GDPD4: variants seen among roughly 807,000 people sequenced by gnomAD.
GDPD4 encodes glycerophosphodiester phosphodiesterase 6.
A neutral mutation model predicts 67.8 loss-of-function variants in GDPD4; 60 were observed. That is an observed-to-expected ratio of 0.88 (90% CI 0.72 to 1.10). The LOEUF is 1.10. Among genes scored for constraint, GDPD4 ranks in the 50% least tolerant of loss-of-function variants. The probability of loss-of-function intolerance (pLI) is 0.00; values close to 1 mark genes in which losing one functional copy is unlikely to be tolerated. For synonymous variants in GDPD4, 212 were observed against 210.9 expected (o/e 1.00, Z -0.04); for missense variants, 623 against 613.9 (o/e 1.01, Z -0.16).
At chr11:77,270,225 C>G (rs993653097) in intron 7 of GDPD4, among the ~76,000 whole-genome samples, 1 of 152,216 alleles carries the variant, frequency 6.6e-6, no homozygotes, top group Non-Finnish European at 1.5e-5. Flanking sequence ...AAAGATACTT[C>G]CATTCTCAAA....
At chr11:77,291,524 C>T (rs1200930266) in intron 1 of GDPD4, among the ~76,000 whole-genome samples, 2 of 151,926 alleles carry the variant, frequency 1.3e-5, no homozygotes, top group African/African-American at 4.8e-5. Context: ...TTGAAATGTC[C>T]CTAGTACAAA....
chr11:77,217,721 C>T (rs1958151250), intron 16 of GDPD4, among the ~76,000 whole-genome samples: 1 of 152,120 alleles, frequency 6.6e-6, no homozygotes, highest in Non-Finnish European at 1.5e-5. Flanking sequence ...GTTTGTCACA[C>T]AGTAAATGCT....
intron 15 of GDPD4, 139 bp downstream of exon 15, chr11:77,229,011 A>G (rs1435642795): frequency 5.4e-6 from 3 of 554,376 alleles, no homozygotes; most frequent in Non-Finnish European, 6.4e-6. Context: ...TGCAGACTAC[A>G]TGAGAAGAGA....
intron 10 of GDPD4, among the ~76,000 whole-genome samples, chr11:77,266,873 A>G (rs1212884157): frequency 6.6e-6 from 1 of 152,230 alleles, no homozygotes; most frequent in East Asian, 1.9e-4. Flanking sequence ...AAAAAGTTAC[A>G]ATAAGCTGGA....
At chr11:77,298,458 G>C (rs1472131496) in intron 1 of GDPD4, among the ~76,000 whole-genome samples, 6 of 152,198 alleles carry the variant, frequency 3.9e-5, no homozygotes, top group African/African-American at 1.4e-4. Flanking sequence ...ATTGCAGTGA[G>C]CAGAGATGGT....
intron 11 of GDPD4, among the ~76,000 whole-genome samples, chr11:77,247,827 G>T (rs11237149): frequency 6.6e-6 from 1 of 152,052 alleles, no homozygotes; most frequent in East Asian, 1.9e-4. Context: ...CGAGACGGGC[G>T]AATCACCTGA....
In GDPD4 at chr11:77,258,460, A is replaced by T. The variant is rs1234434762; in HGVS notation, c.790T>A (p.Cys264Ser). The part of the protein sequence containing the change: ...NIGEVQPESA[C>S]ENPAFFNWDF... ...CAGTTGAAGAAGGCAGGGTTCTCGCAGGCAGATTCTGGCTGAACTTCCCCA... is the reference window on the plus strand; with the variant it reads ...CAGTTGAAGAAGGCAGGGTTCTCGCTGGCAGATTCTGGCTGAACTTCCCCA... Residue 264 changes from cysteine (C) to serine (S), a missense_variant, in exon 11 of 17, where the codon TGC becomes AGC. Transcript: ENST00000315938. 6.2e-7 allele frequency: 1 copy of T among 1,614,024 alleles called. No individual in the cohort carries two copies. The highest frequency in any genetic ancestry group is 2.2e-5 in the East Asian group (1 of 44,900).
chr11:77,248,267 A>G (rs1314657609), intron 11 of GDPD4, among the ~76,000 whole-genome samples: 1 of 150,208 alleles, frequency 6.7e-6, no homozygotes, highest in Non-Finnish European at 1.5e-5. Flanking sequence ...CAGTGGTGCA[A>G]TCTCAGCTCA....
At chr11:77,223,516 G>C (rs1251653985) in intron 16 of GDPD4, among the ~76,000 whole-genome samples, 2 of 152,212 alleles carry the variant, frequency 1.3e-5, no homozygotes, top group African/African-American at 4.8e-5. Flanking sequence ...GGTATCACCA[G>C]CAGAGGCTGC....
chr11:77,275,401 TAAAGATATCC>T (rs1351548054), intron 5 of GDPD4, among the ~76,000 whole-genome samples: 1 of 152,208 alleles, frequency 6.6e-6, no homozygotes, highest in Non-Finnish European at 1.5e-5. Flanking sequence ...GGTGTTATTT[TAAAGATATCC>T]AAACCCAAGA....
chr11:77,220,686 C>A (rs1958209124), intron 16 of GDPD4, among the ~76,000 whole-genome samples: 1 of 152,054 alleles, frequency 6.6e-6, no homozygotes, highest in Non-Finnish European at 1.5e-5. Flanking sequence ...TGTGTCTCTG[C>A]CAGGCTTTGG....
intron 4 of GDPD4, among the ~76,000 whole-genome samples, chr11:77,277,221 A>G (rs1959512267): frequency 6.7e-6 from 1 of 149,436 alleles, no homozygotes; most frequent in Admixed American, 6.7e-5. Context: ...CATTTTCCCC[A>G]TGTAAAAAAA....
chr11:77,247,173 C>T (rs1958797672), intron 11 of GDPD4, among the ~76,000 whole-genome samples: 1 of 152,122 alleles, frequency 6.6e-6, no homozygotes, highest in Admixed American at 6.6e-5. Context: ...ATTGCTAGGC[C>T]AGAAGGCAGA....
chr11:77,243,662 A>T, intron 13 of GDPD4, 32 bp downstream of exon 13: 5 of 1,580,258 alleles, frequency 3.2e-6, no homozygotes, highest in Non-Finnish European at 4.3e-6. Context: ...GTAAGGCAAT[A>T]TGTGCCAAGA....
chr11:77,243,780 G>A lies in GDPD4; in HGVS notation c.1155C>T (p.Gly385=), dbSNP rs746030370. 4.3e-6 allele frequency: 7 copies of A among 1,612,578 alleles called. No individual in the cohort carries two copies. In the Admixed American group the frequency reaches 1.2e-4, roughly 27 times the overall value. Residue 385 remains glycine (G), a synonymous_variant, in exon 13 of 17, where the codon GGC becomes GGT. Coordinates refer to ENST00000315938, the MANE Select transcript of GDPD4 (RefSeq NM_182833.3). ...RSVAPGFQHV[G]RLVSIETLAK... ...CAAGGGTTTCAATGGATACTAAACGGCCCACATGCTGAAAACCAGGAGCCA... is the reference window on the plus strand; with the variant it reads ...CAAGGGTTTCAATGGATACTAAACGACCCACATGCTGAAAACCAGGAGCCA...
Position 77,229,040 on chromosome 11 carries a change from C to T in GDPD4, c.1472+110G>A, listed in dbSNP as rs1427529645. ...GAAGAGAGATTCAGATTATAAACGC[C>T]ATCTTGCCATGTGGGATTACGGGAA... On this transcript the variant is annotated intron_variant, in intron 15 of 16. Transcript: ENST00000315938. 7.0e-6 allele frequency: 4 copies of T among 575,420 alleles called. No individual in the cohort carries two copies. In the East Asian group the frequency reaches 1.2e-4, roughly 17 times the overall value. 35.6% of individuals were successfully genotyped at this position (575,420 alleles called of 1,614,324 possible).
intron 1 of GDPD4, among the ~76,000 whole-genome samples, chr11:77,296,645 C>A (rs1202211033): frequency 6.6e-6 from 1 of 151,780 alleles, no homozygotes; most frequent in African/African-American, 2.4e-5. Flanking sequence ...TGATTGGAAC[C>A]TGTGAAAAGA....
chr11:77,242,161 A>G (rs991717965), intron 13 of GDPD4, among the ~76,000 whole-genome samples: 1 of 152,224 alleles, frequency 6.6e-6, no homozygotes. Context: ...ATTTCAAAAT[A>G]GCTGAGAGTA....
chr11:77,262,626 C>G (rs1272440824), intron 10 of GDPD4, among the ~76,000 whole-genome samples: 1 of 151,896 alleles, frequency 6.6e-6, no homozygotes, highest in Non-Finnish European at 1.5e-5. Flanking sequence ...CTGATATGAA[C>G]CAGTTTGAGG....
Sources: gnomAD v4.1 joint callset for allele counts (sites outside exome capture counted in the v4.1 genomes callset) on GRCh38, gnomAD v4.1.1 for gene constraint, MANE v1.5 for transcripts, NCBI Gene and HGNC (gene_info 2026-07-23, HGNC 2026-07-21) for gene names.